The following MXRA5 variants were observed in gnomAD, a reference collection of about 807,000 sequenced individuals.
MXRA5 encodes matrix-remodeling-associated protein 5.
In MXRA5, 41 loss-of-function variants were observed where a neutral mutation model predicts 112.5. The observed-to-expected ratio is 0.36, with a 90% confidence interval of 0.28 to 0.47. The LOEUF is 0.47. MXRA5 is among the 20% of genes least tolerant of loss of function. MXRA5 has a pLI of 0.99. For missense variants in MXRA5, 2,150 were observed against 2,251.0 expected, an observed-to-expected ratio of 0.96 and a Z score of 0.91; for synonymous variants, 862 against 900.8, an observed-to-expected ratio of 0.96 and a Z score of 0.77.
At chrX:3,339,026 A>G (rs776267789) in intron 2 of MXRA5, among the ~76,000 whole-genome samples, 1 of 111,381 alleles carries the variant, frequency 9.0e-6, no homozygotes, top group South Asian at 3.9e-4. Flanking sequence ...AGAATGGCTC[A>G]TACTAAAGCC....
chrX:3,317,528 C>T lies in MXRA5; in HGVS notation c.6153G>A (p.Gln2051=), dbSNP rs1327044691. 4.1e-6 allele frequency: 5 copies of T among 1,206,312 alleles called. No homozygotes were observed. Among genetic ancestry groups the T allele is most frequent in the Non-Finnish European group, 5.6e-6 (5 of 893,158 alleles). ...HVAALPPVIH[Q]EKLENISLPP... ...GCAGCGAGATGTTCTCCAGCTTCTC[C>T]TGGTGGATAACGGGGGGCAGTGCCG... Residue 2051 remains glutamine (Q), a synonymous_variant, in exon 6 of 7, where the codon CAG becomes CAA. Transcript: ENST00000217939.
In MXRA5 at chrX:3,320,504, A is replaced by T. The variant is rs778007682; in HGVS notation, c.5181T>A (p.Asn1727Lys). Residue 1727 changes from asparagine to lysine, a missense_variant, in exon 5 of 7, where the codon AAT becomes AAA. Asn to Lys is a moderately conservative substitution (Grantham distance 94, BLOSUM62 0). Coordinates refer to ENST00000217939, the MANE Select transcript of MXRA5 (RefSeq NM_015419.4). ...TGTTGGTAAAGAAAGGGAGTCTTCC[A>T]TTGGAATAATGAGGAATTCTTGGAC... ...PPSPRIPHYSNGRLPFFTNKT... is the reference protein window; with the variant it reads ...PPSPRIPHYSKGRLPFFTNKT... The T allele has an allele frequency of 1.7e-6, 2 of 1,211,708 alleles. No individual in the cohort carries two copies. The highest frequency in any genetic ancestry group is 3.5e-5 in the South Asian group (2 of 56,975).
chrX:3,313,872 T>A (rs1430377338), intron 6 of MXRA5, among the ~76,000 whole-genome samples: 1 of 112,095 alleles, frequency 8.9e-6, no homozygotes, highest in African/African-American at 3.2e-5. Flanking sequence ...ATTGGGTACA[T>A]GGCTCTTCTG....
chrX:3,315,656 C>T (rs1336631617), intron 6 of MXRA5, among the ~76,000 whole-genome samples: 1 of 110,502 alleles, frequency 9.0e-6, no homozygotes, highest in Non-Finnish European at 1.9e-5. Context: ...AAAAGCACTG[C>T]CATAAACCTG....
chrX:3,309,661 C>G lies in MXRA5; in HGVS notation c.*55G>C, dbSNP rs1439007763. On this transcript the variant is annotated 3_prime_UTR_variant, in exon 7 of 7. Coordinates refer to ENST00000217939, the MANE Select transcript of MXRA5 (RefSeq NM_015419.4). Reference sequence around the variant, plus strand: ...GCTCCTATTCCCCAACCTGGCTTCCCTTACAAACCCCGCTTTGTTGTCAGT... The same window carrying G: ...GCTCCTATTCCCCAACCTGGCTTCCGTTACAAACCCCGCTTTGTTGTCAGT... 8.2e-6 allele frequency: 9 copies of G among 1,096,179 alleles called. No individual in the cohort carries two copies. The highest frequency in any genetic ancestry group is 2.6e-4 in the Middle Eastern group (1 of 3,885). 90.3% of individuals were successfully genotyped at this position (1,096,179 alleles called of 1,213,427 possible). A position where few individuals can be genotyped will look rare whatever the true frequency, so the allele number is the denominator to read the frequency against.
chrX:3,323,214 A>G lies in MXRA5; in HGVS notation c.2471T>C (p.Ile824Thr). ...SLEVTPPFPA[I>T]SPPSASPVQT... is the part of the protein sequence containing the mutation. ...CACAGGAGATGCTGAGGGGGGAGAA[A>G]TAGCAGGAAAAGGTGGTGTGACTTC... is the stretch of plus-strand genomic sequence containing the variant. Residue 824 changes from isoleucine (I) to threonine (T), a missense_variant, in exon 5 of 7, where the codon ATT becomes ACT. Physicochemically the swap from Ile to Thr is moderately conservative, Grantham distance 89. This residue lies in a region of MXRA5 where 1,485 missense variants were observed against 1,471.6 expected (regional missense o/e 1.01). Coordinates refer to ENST00000217939, the MANE Select transcript of MXRA5 (RefSeq NM_015419.4). 1 of 1,211,213 alleles carries G rather than the reference A, an allele frequency of 8.3e-7. No individual in the cohort carries two copies. Among genetic ancestry groups the G allele is most frequent in the African/African-American group, 1.7e-5 (1 of 57,642 alleles).
chrX:3,320,093 G>A lies in MXRA5; in HGVS notation c.5592C>T (p.Ser1864=), dbSNP rs149775753. The change falls in exon 5 of 7, where the codon TCC becomes TCT. Residue 1864 remains serine, a synonymous_variant. Coordinates refer to ENST00000217939, the MANE Select transcript of MXRA5 (RefSeq NM_015419.4). The stretch of plus-strand genomic sequence containing the variant: ...ACACAGTGTCTGTCTCAGCGGTGAC[G>A]GACACAGTCTGTGGGGACTTGGTGA... ...QILTKSPQTV[S]VTAETDTVFP... The A allele has an allele frequency of 7.1e-4, 864 of 1,209,430 alleles. 6 individuals carry two copies. In the African/African-American group the frequency reaches 0.013, roughly 19 times the overall value.
In MXRA5 at chrX:3,330,211, G is replaced by T; in HGVS notation, c.516C>A (p.Ser172=). 1 of 1,210,427 alleles carries T rather than the reference G, an allele frequency of 8.3e-7. No homozygotes were observed. Among genetic ancestry groups the T allele is most frequent in the Non-Finnish European group, 1.1e-6 (1 of 894,767 alleles). Residue 172 remains serine (S), a synonymous_variant, in exon 4 of 7, where the codon TCC becomes TCA. Coordinates refer to ENST00000217939, the MANE Select transcript of MXRA5 (RefSeq NM_015419.4). ...LLHQLHPSTF[S]TFTFLDYFRL... is the part of the protein sequence containing the mutation. The stretch of plus-strand genomic sequence containing the variant: ...TGAAATAATCCAAAAATGTGAACGT[G>T]GAGAAGGTGCTGGGGTGCAGCTGGT...
chrX:3,342,245 T>G (rs1019889728), intron 2 of MXRA5, among the ~76,000 whole-genome samples: 1 of 104,493 alleles, frequency 9.6e-6, no homozygotes, highest in East Asian at 3.0e-4. Flanking sequence ...TGCTGGGGGG[T>G]GGGGGTTGAG....
In MXRA5 at chrX:3,324,485, G is replaced by T. The variant is rs778430855; in HGVS notation, c.1200C>A (p.Asp400Glu). ...KLHRELMLSK[D>E]PRVSYQYRQD... ...GCCTGTACTGGTAGCTGACTCTGGG[G>T]TCTTTGCTGAGCATGAGCTCTCTGT... The change falls in exon 5 of 7, where the codon GAC becomes GAA. Residue 400 changes from aspartate (D) to glutamate (E), a missense_variant. Asp to Glu is a conservative substitution (Grantham distance 45). Around this residue, in one of 6 missense-constraint regions of MXRA5, gnomAD observed 386 missense variants for 411.0 expected, o/e 0.94. Coordinates refer to ENST00000217939, the MANE Select transcript of MXRA5 (RefSeq NM_015419.4). 8.3e-7 allele frequency: 1 copy of T among 1,211,690 alleles called. No individual in the cohort carries two copies. Among genetic ancestry groups the T allele is most frequent in the Admixed American group, 2.2e-5 (1 of 46,014 alleles).
At chrX:3,341,134 T>TTATGTATAACATATTATGTATAATATA (rs1921930497) in intron 2 of MXRA5, among the ~76,000 whole-genome samples, 1 of 6,647 alleles carries the variant, frequency 1.5e-4, no homozygotes, top group Admixed American at 3.3e-3. Context: ...CATAATATAT[T>TTATGTATAACATATTATGTATAATATA]ATATATTATA....
At chrX:3,336,932 T>C (rs1289559042) in intron 2 of MXRA5, among the ~76,000 whole-genome samples, 1 of 112,128 alleles carries the variant, frequency 8.9e-6, no homozygotes, top group Admixed American at 9.5e-5. Context: ...GCTTTGTGTG[T>C]CTGCAAGTTA....
At chrX:3,316,515 A>ATAATAATAATAG (rs1431162738) in intron 6 of MXRA5, among the ~76,000 whole-genome samples, 9 of 76,944 alleles carry the variant, frequency 1.2e-4, no homozygotes, top group African/African-American at 3.5e-4. Flanking sequence ...AATAATAATA[A>ATAATAATAATAG]TAACAAGCCG....
At position 3,324,158 on chromosome X, in the gene MXRA5, T is replaced by C. The variant is rs1441729698; in HGVS notation, c.1527A>G (p.Pro509=). The part of the protein sequence containing the change: ...LSCNVKASES[P]SIFWVLPDGS... Reference sequence around the variant, plus strand: ...CATCTGGAAGCACCCAGAAGATAGATGGACTCTCAGAAGCTTTCACGTTGC... The same window carrying C: ...CATCTGGAAGCACCCAGAAGATAGACGGACTCTCAGAAGCTTTCACGTTGC... The change falls in exon 5 of 7, where the codon CCA becomes CCG. Residue 509 remains proline, a synonymous_variant. Transcript: ENST00000217939. 9.9e-6 allele frequency: 12 copies of C among 1,211,609 alleles called. No homozygotes were observed. The highest frequency in any genetic ancestry group is 1.2e-5 in the Non-Finnish European group (11 of 895,487).
rs754493776 is a variant in MXRA5 at position 3,324,867 on chromosome X, A to C, written c.818T>G (p.Met273Arg). Residue 273 changes from methionine (M) to arginine (R), a missense_variant, in exon 5 of 7, where the codon ATG becomes AGG. Physicochemically the swap from Met to Arg is moderately conservative, Grantham distance 91. Around this residue, in one of 6 missense-constraint regions of MXRA5, gnomAD observed 386 missense variants for 411.0 expected, o/e 0.94. Coordinates refer to ENST00000217939, the MANE Select transcript of MXRA5 (RefSeq NM_015419.4). ...YKHEIHKLKDMTCLKPSIESP... is the reference protein window; with the variant it reads ...YKHEIHKLKDRTCLKPSIESP... ...CTCTATTGAAGGCTTCAGACAAGTC[A>C]TGTCCTTCAGCTTGTGTATCTCATG... is the stretch of plus-strand genomic sequence containing the variant. The C allele has an allele frequency of 9.9e-6, 12 of 1,210,047 alleles. No individual in the cohort carries two copies. Among genetic ancestry groups the C allele is most frequent in the Admixed American group, 2.2e-5 (1 of 45,722 alleles).
intron 2 of MXRA5, among the ~76,000 whole-genome samples, chrX:3,341,244 A>T (rs5982698): frequency 0.21 from 9,828 of 47,073 alleles, 1,487 homozygotes; most frequent in African/African-American, 0.52. Context: ...TTATATAATT[A>T]TATATATAAT....
Position 3,317,400 on chromosome X carries a change from A to T in MXRA5, c.6281T>A (p.Phe2094Tyr). The change falls in exon 6 of 7, where the codon TTC (phenylalanine) becomes TAC (tyrosine). Residue 2094 changes from phenylalanine to tyrosine, a missense_variant. By Grantham distance (22) the Phe-to-Tyr change is conservative (BLOSUM62 3). Around this residue, in one of 6 missense-constraint regions of MXRA5, gnomAD observed 1,485 missense variants for 1,471.6 expected, o/e 1.01. Coordinates refer to ENST00000217939, the MANE Select transcript of MXRA5 (RefSeq NM_015419.4). ...GDGTQIRPSQ[F>Y]LHGNLFVFPN... is the part of the protein sequence containing the mutation. ...GAAAACAAACAAGTTCCCGTGGAGG[A>T]ACTGCGAGGGGCGGATCTGGGTACC... 1 of 1,206,953 alleles carries T rather than the reference A, an allele frequency of 8.3e-7. No individual in the cohort carries two copies. The highest frequency in any genetic ancestry group is 1.1e-6 in the Non-Finnish European group (1 of 893,544).
chrX:3,324,343 C>T lies in MXRA5; in HGVS notation c.1342G>A (p.Ala448Thr), dbSNP rs770515977. ...TAGTAGGAAAGTAGCACCTTCTTGG[C>T]CGTACTCTGACGTCGGTTCAGCTGG... Reference protein sequence around the residue: ...DIQLNRRQSTAKKVLLSYYTQ... With the variant: ...DIQLNRRQSTTKKVLLSYYTQ... Residue 448 changes from alanine to threonine, a missense_variant, in exon 5 of 7, where the codon GCC becomes ACC. By Grantham distance (58) the Ala-to-Thr change is moderately conservative. Transcript: ENST00000217939. 4 of 1,211,354 alleles carry T rather than the reference C, an allele frequency of 3.3e-6. No individual in the cohort carries two copies. The highest frequency in any genetic ancestry group is 4.5e-6 in the Non-Finnish European group (4 of 895,438).
intron 2 of MXRA5, among the ~76,000 whole-genome samples, chrX:3,338,804 G>A (rs1241351942): frequency 9.1e-6 from 1 of 110,410 alleles, no homozygotes; most frequent in Non-Finnish European, 1.9e-5. Context: ...ATAGGTGATA[G>A]GCAGATGCAT....
Sources: gnomAD v4.1 joint callset for allele counts (sites outside exome capture counted in the v4.1 genomes callset) on GRCh38, gnomAD v4.1.1 for gene constraint, gnomAD v4.1.1 regional missense constraint, MANE v1.5 for transcripts, NCBI Gene and HGNC (gene_info 2026-07-23, HGNC 2026-07-21) for gene names.